Variants in CSMD1 observed in about 807,000 individuals in gnomAD.
CSMD1 encodes CUB and Sushi multiple domains 1, also known as CUB and sushi domain-containing protein 1.
In CSMD1, 213 loss-of-function variants were observed where a neutral mutation model predicts 417.5. The ratio of observed to expected loss-of-function variants is 0.51; its 90% CI spans 0.46 to 0.57. CSMD1 has a LOEUF of 0.57. Among genes scored for constraint, CSMD1 ranks in the 20% least tolerant of loss-of-function variants. CSMD1 has a pLI of 0.00. For missense variants in CSMD1, 6,923 were observed against 4,529.7 expected (o/e 1.53, Z -15.17); for synonymous variants, 2,862 against 1,736.8 (o/e 1.65, Z -16.11).
At chr8:3,293,219 T>C (rs1365683721) in intron 25 of CSMD1, among the ~76,000 whole-genome samples, 1 of 152,208 alleles carries the variant, frequency 6.6e-6, no homozygotes, top group African/African-American at 2.4e-5. Flanking sequence ...GGGCTTCCTT[T>C]TGTGGGTAAC....
chr8:3,796,415 CTATCATGT>C (rs1563089664), intron 5 of CSMD1, among the ~76,000 whole-genome samples: 14 of 56,566 alleles, frequency 2.5e-4, no homozygotes, highest in Non-Finnish European at 4.9e-4. Flanking sequence ...AGATATATAT[CTATCATGT>C]ATAGATATAT....
intron 2 of CSMD1, among the ~76,000 whole-genome samples, chr8:4,447,842 A>G (rs910921831): frequency 1.3e-5 from 2 of 152,176 alleles, no homozygotes; most frequent in South Asian, 2.1e-4. Context: ...TTTAAGTGAT[A>G]AACTTAAAAA....
At chr8:4,135,001 T>G in intron 3 of CSMD1, among the ~76,000 whole-genome samples, 1 of 152,188 alleles carries the variant, frequency 6.6e-6, no homozygotes, top group East Asian at 1.9e-4. Context: ...CTCTTCTGCC[T>G]CTAGAATTTT....
Position 4,939,018 on chromosome 8 carries a change from A to G in CSMD1, c.85+55314T>C, listed in dbSNP as rs146282361. Among the ~76,000 whole-genome samples, 499 of 152,276 alleles carry G rather than the reference A, an allele frequency of 3.3e-3. 5 individuals are homozygous for G. The highest frequency in any genetic ancestry group is 0.011 in the African/African-American group (474 of 41,556). ...GTTTTCTTTCTATTGAGTCATAGGA[A>G]TGTTTTCTACGTGTTGTACATTAAC... On this transcript the variant is annotated intron_variant, in intron 1 of 69. Transcript: ENST00000635120.
chr8:3,942,904 CTTTTT>C (rs745399545), intron 5 of CSMD1, among the ~76,000 whole-genome samples: 1 of 151,890 alleles, frequency 6.6e-6, no homozygotes, highest in African/African-American at 2.4e-5. Context: ...CATTGTGATA[CTTTTT>C]TTTGTCTTTT....
chr8:4,224,133 CACTTA>C (rs1801206149), intron 3 of CSMD1, among the ~76,000 whole-genome samples: 1 of 152,128 alleles, frequency 6.6e-6, no homozygotes, highest in Non-Finnish European at 1.5e-5. Context: ...ACCATGAGGA[CACTTA>C]ACTTTGTTTC....
intron 5 of CSMD1, among the ~76,000 whole-genome samples, chr8:3,956,110 A>C (rs1199962439): frequency 6.6e-6 from 1 of 152,136 alleles, no homozygotes; most frequent in Non-Finnish European, 1.5e-5. Flanking sequence ...TTCCTTTCTA[A>C]CCCTTTTAAG....
chr8:4,451,751 G>A (rs562689016), intron 2 of CSMD1, among the ~76,000 whole-genome samples: 39 of 152,030 alleles, frequency 2.6e-4, no homozygotes, highest in African/African-American at 9.4e-4. Context: ...GGCATCGAAT[G>A]ATACAGATAG....
chr8:2,990,056 T>C (rs543616648), intron 54 of CSMD1, among the ~76,000 whole-genome samples: 1 of 152,238 alleles, frequency 6.6e-6, no homozygotes, highest in Non-Finnish European at 1.5e-5. Context: ...GACATAATTA[T>C]GCTGTCCCCC....
At chr8:3,543,676 A>T (rs2116724089) in intron 10 of CSMD1, among the ~76,000 whole-genome samples, 1 of 152,236 alleles carries the variant, frequency 6.6e-6, no homozygotes, top group Non-Finnish European at 1.5e-5. Context: ...AGAAGAAAAG[A>T]GTGTGAGAGG....
chr8:3,710,182 A>C (rs1002472533), intron 6 of CSMD1, among the ~76,000 whole-genome samples: 1 of 152,030 alleles, frequency 6.6e-6, no homozygotes, highest in African/African-American at 2.4e-5. Flanking sequence ...TTTGTTTTTA[A>C]TTGTCGCAAA....
At chr8:3,555,788 G>C (rs78825084) in intron 10 of CSMD1, among the ~76,000 whole-genome samples, 3,857 of 152,170 alleles carry the variant, frequency 0.025, 170 homozygotes, top group African/African-American at 0.087. Flanking sequence ...TAGATGTATG[G>C]TTAGGCAGAC....
chr8:3,020,497 TACCTTAGTGCATGGGC>T (rs1482081959), intron 51 of CSMD1, among the ~76,000 whole-genome samples: 1 of 152,108 alleles, frequency 6.6e-6, no homozygotes, highest in Non-Finnish European at 1.5e-5. Context: ...GCCTCCCAAG[TACCTTAGTGCATGGGC>T]ACCACCACGC....
chr8:3,397,229 C>G lies in CSMD1; in HGVS notation c.2406-848G>C, dbSNP rs967059001. 1.3e-5 allele frequency among the ~76,000 whole-genome samples: 2 copies of G among 152,174 alleles called. 1 individual carries two copies. The highest frequency in any genetic ancestry group is 3.9e-4 in the East Asian group (2 of 5,190). The stretch of plus-strand genomic sequence containing the variant: ...GGAGCAGCTTAAGCGTCATAAGACT[C>G]TGACTCACTCAGTCACTTTGAGCCA... On this transcript the variant is annotated intron_variant, in intron 16 of 69. Transcript: ENST00000635120.
chr8:4,534,602 T>C (rs1585215934), intron 2 of CSMD1, among the ~76,000 whole-genome samples: 1 of 152,150 alleles, frequency 6.6e-6, no homozygotes, highest in Admixed American at 6.6e-5. Flanking sequence ...TTCCCCATTC[T>C]AGTAGCCTGA....
At position 3,904,532 on chromosome 8, in the gene CSMD1, A is replaced by T. The variant is rs538096674; in HGVS notation, c.818+93371T>A. Among the ~76,000 whole-genome samples the T allele has an allele frequency of 2.3e-3, 350 of 152,298 alleles. 3 individuals are homozygous for T. The highest frequency in any genetic ancestry group is 7.7e-3 in the African/African-American group (321 of 41,566). On this transcript the variant is annotated intron_variant, in intron 5 of 69. Coordinates refer to ENST00000635120, the MANE Select transcript of CSMD1 (RefSeq NM_033225.6). ...CACATTTCTAAGAAACTGACAGGTG[A>T]TACCAAAGCTGTTGTATGTGAAACA...
At chr8:3,965,409 G>GT (rs1471122822) in intron 5 of CSMD1, among the ~76,000 whole-genome samples, 9 of 152,228 alleles carry the variant, frequency 5.9e-5, no homozygotes, top group African/African-American at 2.2e-4. Context: ...TAGAGACATG[G>GT]TTTTCGTGAT....
chr8:4,665,876 A>G (rs1474225892), intron 1 of CSMD1, among the ~76,000 whole-genome samples: 1 of 152,224 alleles, frequency 6.6e-6, no homozygotes, highest in Non-Finnish European at 1.5e-5. Flanking sequence ...TTACCTAGGA[A>G]GACCTTGCAG....
intron 6 of CSMD1, among the ~76,000 whole-genome samples, chr8:3,715,103 T>A (rs1463866779): frequency 1.3e-5 from 2 of 152,198 alleles, no homozygotes; most frequent in African/African-American, 2.4e-5. Flanking sequence ...TTTTTTGTGT[T>A]TTACACTGAG....
Sources: allele counts gnomAD v4.1 joint callset (sites outside exome capture counted in the v4.1 genomes callset), GRCh38; gene constraint gnomAD v4.1.1; transcripts MANE v1.5; gene names NCBI Gene and HGNC (gene_info 2026-07-23, HGNC 2026-07-21).